The following CCNJL variants were observed in gnomAD, a reference collection of about 807,000 sequenced individuals.
The protein encoded by CCNJL is cyclin-J-like protein.
CCNJL carries 33 observed loss-of-function variants against 33.4 expected under a neutral mutation model. That is an observed-to-expected ratio of 0.99 (90% confidence interval 0.75 to 1.32). The LOEUF is 1.32. Ranked by LOEUF, CCNJL falls within the 40% of genes most tolerant of loss-of-function variation. CCNJL has a pLI of 0.00. For synonymous variants in CCNJL, 227 were observed against 220.9 expected, an observed-to-expected ratio of 1.03 and a Z score of -0.24; for missense variants, 512 against 499.7, an observed-to-expected ratio of 1.02 and a Z score of -0.23.
At chr5:160,320,831 T>C (rs1472699048) in intron 1 of CCNJL, among the ~76,000 whole-genome samples, 3 of 124,028 alleles carry the variant, frequency 2.4e-5, no homozygotes, top group South Asian at 2.7e-4. Context: ...CTTTCTTTCT[T>C]TCTTTCTTTC....
intron 2 of CCNJL, among the ~76,000 whole-genome samples, chr5:160,288,208 G>T (rs1762471209): frequency 6.7e-6 from 1 of 149,476 alleles, no homozygotes; most frequent in African/African-American, 2.6e-5. Flanking sequence ...GGAGAGGTCG[G>T]GATGGGCACT....
chr5:160,337,923 C>T (rs527334209), intron 1 of CCNJL, among the ~76,000 whole-genome samples: 160 of 152,266 alleles, frequency 1.1e-3, no homozygotes, highest in African/African-American at 3.7e-3. Flanking sequence ...AAACACCCCT[C>T]ACCTCCGTTT....
chr5:160,303,523 CAA>C (rs35657484), intron 2 of CCNJL, among the ~76,000 whole-genome samples: 24,248 of 128,098 alleles, frequency 0.19, 2,069 homozygotes, highest in Non-Finnish European at 0.21. Flanking sequence ...TCCATTTTTA[CAA>C]AAAAAAAAAA....
At chr5:160,305,392 A>T (rs779988479) in intron 2 of CCNJL, among the ~76,000 whole-genome samples, 3 of 152,204 alleles carry the variant, frequency 2.0e-5, no homozygotes, top group Non-Finnish European at 2.9e-5. Flanking sequence ...GCAATGGCAG[A>T]GGCCAAATCA....
At chr5:160,283,008 T>C (rs184525299) in intron 2 of CCNJL, among the ~76,000 whole-genome samples, 902 of 52,606 alleles carry the variant, frequency 0.017, 30 homozygotes, top group African/African-American at 0.054. Flanking sequence ...TATATATATA[T>C]ACATATATAT....
intron 1 of CCNJL, among the ~76,000 whole-genome samples, chr5:160,338,951 C>T (rs750459032): frequency 2.4e-4 from 36 of 152,036 alleles, no homozygotes; most frequent in Non-Finnish European, 2.9e-5. Context: ...CCACCATGCC[C>T]GGCAAATTTT....
At chr5:160,311,386 T>C (rs1377077210) in intron 2 of CCNJL, among the ~76,000 whole-genome samples, 3 of 152,302 alleles carry the variant, frequency 2.0e-5, no homozygotes, top group South Asian at 2.1e-4. Context: ...CTTATCTTTA[T>C]ATAGAGTTAC....
At chr5:160,257,801 T>G (rs914547141) in intron 4 of CCNJL, among the ~76,000 whole-genome samples, 1 of 152,096 alleles carries the variant, frequency 6.6e-6, no homozygotes, top group African/African-American at 2.4e-5. Context: ...AGCAAGACAC[T>G]TGGCATGCAG....
chr5:160,313,477 C>T (rs1172601364), upstream of CCNJL, among the ~76,000 whole-genome samples: 2 of 152,166 alleles, frequency 1.3e-5, no homozygotes, highest in Admixed American at 6.5e-5. Flanking sequence ...AGTGAACACT[C>T]AGTAAACAAC....
chr5:160,252,341 G>A lies in CCNJL; in HGVS notation c.*1037C>T, dbSNP rs1193166837. On this transcript the variant is annotated 3_prime_UTR_variant, in exon 6 of 6. Coordinates refer to ENST00000257536, the MANE Select transcript of CCNJL (RefSeq NM_001308173.3). ...TGGGACTAAGCAAATTTTCCACATT[G>A]CTATCCTTCGCTATCAGCCACACTC... 2 of 152,490 alleles carry A rather than the reference G, an allele frequency of 1.3e-5. No individual in the cohort carries two copies. The highest frequency in any genetic ancestry group is 6.6e-5 in the Admixed American group (1 of 15,264). 9.4% of individuals were successfully genotyped at this position (152,490 alleles called of 1,614,324 possible). A position where few individuals can be genotyped will look rare whatever the true frequency, so the allele number is the denominator to read the frequency against.
rs771724000 is a variant in CCNJL, at chr5:160,253,568, C to T, written c.974G>A (p.Ser325Asn). ...CGGGGTGTGGAGGGATGAGCCTGTA[C>T]TCCCCGAGAGCAGGCTCCCTGAACG... ...AHRSGSLLSG[S>N]TGSSLHTPYQ... The change falls in exon 6 of 6, where the codon AGT (serine) becomes AAT (asparagine). Residue 325 changes from serine (S) to asparagine (N), a missense_variant. Physicochemically the swap from Ser to Asn is conservative, Grantham distance 46. Transcript: ENST00000257536. The T allele has an allele frequency of 6.2e-6, 10 of 1,614,182 alleles. No individual in the cohort carries two copies. The highest frequency in any genetic ancestry group is 7.6e-6 in the Non-Finnish European group (9 of 1,180,024).
chr5:160,288,436 A>G (rs1762477220), intron 2 of CCNJL, among the ~76,000 whole-genome samples: 1 of 152,216 alleles, frequency 6.6e-6, no homozygotes, highest in Non-Finnish European at 1.5e-5. Context: ...GCCCTGTCAT[A>G]ATAACACCCC....
At chr5:160,296,938 G>A (rs1038304385) in intron 2 of CCNJL, among the ~76,000 whole-genome samples, 1 of 152,274 alleles carries the variant, frequency 6.6e-6, no homozygotes, top group Admixed American at 6.5e-5. Flanking sequence ...TAGCTATGTG[G>A]GCTTGGGTAA....
intron 1 of CCNJL, among the ~76,000 whole-genome samples, chr5:160,335,925 A>G (rs1349798917): frequency 6.6e-6 from 1 of 152,124 alleles, no homozygotes; most frequent in Admixed American, 6.6e-5. Flanking sequence ...CCAGCATCAC[A>G]GTCTCTTGAT....
intron 2 of CCNJL, among the ~76,000 whole-genome samples, chr5:160,293,831 CA>C (rs765138577): frequency 1.3e-5 from 2 of 152,108 alleles, no homozygotes; most frequent in Non-Finnish European, 2.9e-5. Flanking sequence ...TGGGGTATGA[CA>C]ATACTTGGAG....
chr5:160,330,161 C>T (rs567519852), intron 1 of CCNJL, among the ~76,000 whole-genome samples: 194 of 152,316 alleles, frequency 1.3e-3, no homozygotes, highest in Non-Finnish European at 2.2e-3. Context: ...CCACTCTGTT[C>T]TGGACCCTGG....
At chr5:160,265,598 G>C (rs546901024) in intron 3 of CCNJL, among the ~76,000 whole-genome samples, 165 of 151,764 alleles carry the variant, frequency 1.1e-3, no homozygotes, top group Admixed American at 4.4e-3. Context: ...CCACGCCACT[G>C]CACTCCATCC....
chr5:160,303,656 C>T (rs1256043670), intron 2 of CCNJL, among the ~76,000 whole-genome samples: 1 of 149,664 alleles, frequency 6.7e-6, no homozygotes, highest in South Asian at 2.1e-4. Flanking sequence ...CTTCTGTTTG[C>T]TTGTATTCAT....
chr5:160,277,352 A>G (rs139488159), intron 3 of CCNJL, among the ~76,000 whole-genome samples: 2 of 152,358 alleles, frequency 1.3e-5, no homozygotes, highest in East Asian at 3.9e-4. Context: ...GCACTGCCAA[A>G]GCCAACTCAC....
Sources: gnomAD v4.1 joint callset for allele counts (sites outside exome capture counted in the v4.1 genomes callset) on GRCh38, gnomAD v4.1.1 for gene constraint, MANE v1.5 for transcripts, NCBI Gene and HGNC (gene_info 2026-07-23, HGNC 2026-07-21) for gene names.